The following FHIT variants were observed in gnomAD, a reference collection of about 807,000 sequenced individuals.
FHIT encodes the protein fragile histidine triad diadenosine triphosphatase.
A neutral mutation model predicts 17.9 loss-of-function variants in FHIT; 19 were observed. The ratio of observed to expected loss-of-function variants is 1.06; its 90% CI spans 0.74 to 1.56. The LOEUF is 1.56. Ranked by LOEUF, FHIT falls within the 40% of genes most tolerant of loss-of-function variation. FHIT has a pLI of 0.00. For missense variants in FHIT, 248 were observed against 189.2 expected, an observed-to-expected ratio of 1.31 and a Z score of -1.82; for synonymous variants, 81 against 69.7, an observed-to-expected ratio of 1.16 and a Z score of -0.81.
intron 5 of FHIT, among the ~76,000 whole-genome samples, chr3:60,213,644 T>C (rs369615568): frequency 2.6e-5 from 4 of 152,318 alleles, no homozygotes; most frequent in East Asian, 3.9e-4. Context: ...TTTGGCCTTC[T>C]CCACACTTTA....
chr3:60,106,034 A>G (rs1576111392), intron 5 of FHIT, among the ~76,000 whole-genome samples: 3 of 152,198 alleles, frequency 2.0e-5, no homozygotes, highest in African/African-American at 2.4e-5. Flanking sequence ...TAGTGTGATG[A>G]AATCTCATTG....
intron 8 of FHIT, among the ~76,000 whole-genome samples, chr3:59,849,016 G>A (rs1052659207): frequency 6.6e-6 from 1 of 152,148 alleles, no homozygotes; most frequent in African/African-American, 2.4e-5. Flanking sequence ...TCTCATATAT[G>A]AGGTCAGGTT....
Position 60,584,291 on chromosome 3 carries a change from C to CT in FHIT, c.-17-47313dup, listed in dbSNP as rs34247297. Among the ~76,000 whole-genome samples the CT allele has an allele frequency of 1.7e-4, 26 of 151,976 alleles. 1 individual carries two copies. Among genetic ancestry groups the CT allele is most frequent in the Middle Eastern group, 6.3e-3 (2 of 316 alleles). On this transcript the variant is annotated intron_variant, in intron 4 of 9. Coordinates refer to ENST00000492590, the MANE Select transcript of FHIT (RefSeq NM_002012.4). ...GTATTCACAAGTGTTACAAATTAGG[C>CT]TTTTTTTCCCCTCTGAGAGCAATTG...
chr3:61,053,175 T>G (rs2034088903), intron 2 of FHIT, among the ~76,000 whole-genome samples: 1 of 152,056 alleles, frequency 6.6e-6, no homozygotes, highest in Admixed American at 6.6e-5. Flanking sequence ...GTTGGGAAAC[T>G]AAAAAATGTA....
intron 5 of FHIT, among the ~76,000 whole-genome samples, chr3:60,152,979 T>G (rs1289531173): frequency 1.3e-5 from 2 of 152,148 alleles, no homozygotes; most frequent in South Asian, 2.1e-4. Context: ...GGACATGCAG[T>G]GTGATGAAGA....
chr3:59,753,837 G>C (rs770301409), intron 8 of FHIT, among the ~76,000 whole-genome samples: 1 of 152,156 alleles, frequency 6.6e-6, no homozygotes, highest in Non-Finnish European at 1.5e-5. Context: ...TGGGGTAGGT[G>C]CCAGTATTAT....
intron 8 of FHIT, among the ~76,000 whole-genome samples, chr3:59,784,289 C>G (rs1482294699): frequency 6.6e-6 from 1 of 152,250 alleles, no homozygotes; most frequent in Non-Finnish European, 1.5e-5. Context: ...AGCCTATTCT[C>G]TACCTTCTAC....
intron 8 of FHIT, among the ~76,000 whole-genome samples, chr3:59,798,414 A>C (rs904792374): frequency 1.3e-5 from 2 of 152,208 alleles, no homozygotes; most frequent in Admixed American, 6.5e-5. Context: ...TCTCAGACAC[A>C]TGAATGCTAT....
intron 7 of FHIT, among the ~76,000 whole-genome samples, chr3:60,000,720 G>A (rs1261028970): frequency 4.6e-5 from 7 of 151,906 alleles, no homozygotes; most frequent in Non-Finnish European, 8.8e-5. Context: ...CCTATCATAA[G>A]CACATGTGAA....
chr3:60,223,290 G>A lies in FHIT; in HGVS notation c.104-209138C>T, dbSNP rs142614183. On this transcript the variant is annotated intron_variant, in intron 5 of 9. Coordinates refer to ENST00000492590, the MANE Select transcript of FHIT (RefSeq NM_002012.4). ...AATGTATTTTGCAGGGGAGGACCCA[G>A]GTACAGGGAGCTTAAGTCAATAGGA... 6.0e-3 allele frequency among the ~76,000 whole-genome samples: 907 copies of A among 152,242 alleles called. 9 individuals carry two copies. The highest frequency in any genetic ancestry group is 0.02 in the African/African-American group (831 of 41,532).
At chr3:59,813,630 C>T (rs1056253313) in intron 8 of FHIT, among the ~76,000 whole-genome samples, 4 of 152,064 alleles carry the variant, frequency 2.6e-5, no homozygotes, top group African/African-American at 7.2e-5. Context: ...GAATTTAACA[C>T]GAGGCAAGAT....
At chr3:59,992,235 G>A (rs962136224) in intron 7 of FHIT, among the ~76,000 whole-genome samples, 1 of 152,106 alleles carries the variant, frequency 6.6e-6, no homozygotes, top group Middle Eastern at 3.4e-3. Flanking sequence ...CTAACCAAAT[G>A]AGAAGTGACC....
At chr3:60,814,903 TTTG>T (rs1482545482) in intron 4 of FHIT, among the ~76,000 whole-genome samples, 14 of 151,284 alleles carry the variant, frequency 9.3e-5, no homozygotes, top group East Asian at 1.9e-4. Flanking sequence ...TTGTTTTGTT[TTTG>T]TTGTTTTTTT....
At chr3:60,188,183 C>G (rs1159278924) in intron 5 of FHIT, among the ~76,000 whole-genome samples, 4 of 148,742 alleles carry the variant, frequency 2.7e-5, no homozygotes, top group Non-Finnish European at 4.5e-5. Flanking sequence ...TGTCTATGAA[C>G]TCAGGGATCT....
intron 8 of FHIT, among the ~76,000 whole-genome samples, chr3:59,785,734 G>C (rs1702821273): frequency 6.6e-6 from 1 of 152,202 alleles, no homozygotes; most frequent in Admixed American, 6.6e-5. Context: ...TTAATGCTTG[G>C]TATTTGGGAA....
At chr3:61,202,486 G>C (rs2039056183) in intron 1 of FHIT, among the ~76,000 whole-genome samples, 1 of 147,280 alleles carries the variant, frequency 6.8e-6, no homozygotes, top group Non-Finnish European at 1.5e-5. Flanking sequence ...TTGCATTTTT[G>C]ACATTAAAGT....
At chr3:60,565,623 C>G (rs2037107107) in intron 4 of FHIT, among the ~76,000 whole-genome samples, 2 of 152,130 alleles carry the variant, frequency 1.3e-5, no homozygotes, top group South Asian at 2.1e-4. Context: ...TTTTAAAAAT[C>G]TGAATATCCA....
chr3:60,994,974 A>G (rs1003387611), intron 3 of FHIT, among the ~76,000 whole-genome samples: 1 of 152,168 alleles, frequency 6.6e-6, no homozygotes, highest in Non-Finnish European at 1.5e-5. Context: ...ATTTTAAAAA[A>G]TTTAGTTTAA....
Position 60,868,204 on chromosome 3 carries a change from T to A in FHIT, c.-110-46193A>T, listed in dbSNP as rs78872861. 4.3e-3 allele frequency among the ~76,000 whole-genome samples: 660 copies of A among 152,292 alleles called. 5 individuals are homozygous for A. The highest frequency in any genetic ancestry group is 0.014 in the African/African-American group (570 of 41,578). ...GCCAGAAGCATTCCTTTCCCTCTGTTTTCTTTTTCTTTGAGATTGCAAGCC... is the reference window on the plus strand; with the variant it reads ...GCCAGAAGCATTCCTTTCCCTCTGTATTCTTTTTCTTTGAGATTGCAAGCC... On this transcript the variant is annotated intron_variant, in intron 3 of 9. Transcript: ENST00000492590.
Sources: allele counts gnomAD v4.1 joint callset (sites outside exome capture counted in the v4.1 genomes callset), GRCh38; gene constraint gnomAD v4.1.1; transcripts MANE v1.5; gene names NCBI Gene and HGNC (gene_info 2026-07-23, HGNC 2026-07-21).